HEPHL1: variants seen among roughly 807,000 people sequenced by gnomAD.
HEPHL1 encodes ferroxidase HEPHL1.
In HEPHL1, 123 loss-of-function variants were observed where a neutral mutation model predicts 122.0. The observed-to-expected ratio is 1.01, with a 90% CI of 0.87 to 1.17. HEPHL1 has a LOEUF of 1.17. HEPHL1 is among the 50% of genes most tolerant of loss of function. The pLI, the probability that HEPHL1 is intolerant of heterozygous loss-of-function variation, is 0.00. For synonymous variants in HEPHL1, 527 were observed against 508.9 expected (o/e 1.04, Z -0.48); for missense variants, 1,452 against 1,430.5 (o/e 1.01, Z -0.24).
intron 1 of HEPHL1, among the ~76,000 whole-genome samples, chr11:94,022,480 T>G (rs1461664106): frequency 1.3e-5 from 2 of 152,228 alleles, no homozygotes; most frequent in African/African-American, 4.8e-5. Flanking sequence ...GCACAGGGCC[T>G]ACCAGCAAGT....
chr11:94,081,606 A>G (rs1298382941), intron 9 of HEPHL1, among the ~76,000 whole-genome samples: 1 of 152,036 alleles, frequency 6.6e-6, no homozygotes, highest in African/African-American at 2.4e-5. Flanking sequence ...CTCACTATCC[A>G]CTCAAGTTAA....
intron 10 of HEPHL1, among the ~76,000 whole-genome samples, chr11:94,084,403 TA>T (rs1372040725): frequency 6.6e-6 from 1 of 151,890 alleles, no homozygotes; most frequent in Non-Finnish European, 1.5e-5. Flanking sequence ...ATATCATTGT[TA>T]AAACAAAGTT....
At chr11:94,105,568 C>T (rs1481951778) in intron 16 of HEPHL1, among the ~76,000 whole-genome samples, 1 of 152,128 alleles carries the variant, frequency 6.6e-6, no homozygotes, top group Non-Finnish European at 1.5e-5. Context: ...TTCAGCCAGG[C>T]TTAAACTATT....
chr11:94,055,119 C>A, intron 2 of HEPHL1: 1 of 191,708 alleles, frequency 5.2e-6, no homozygotes, highest in Non-Finnish European at 1.1e-5. Flanking sequence ...CTGCAGCTTC[C>A]AGCTTGTGTA....
chr11:94,029,703 G>A lies in HEPHL1; in HGVS notation c.170+8165G>A, dbSNP rs78217410. 9.8e-3 allele frequency among the ~76,000 whole-genome samples: 1,485 copies of A among 152,294 alleles called. 31 individuals are homozygous for A. Among genetic ancestry groups the A allele is most frequent in the African/African-American group, 0.034 (1,405 of 41,556 alleles). ...TCCCCCCTTGGGGTGACTATTGGCT[G>A]TATAGGTGATAAGACTGATATGTGT... On this transcript the variant is annotated intron_variant, in intron 1 of 19. Transcript: ENST00000315765.
intron 2 of HEPHL1, among the ~76,000 whole-genome samples, chr11:94,050,317 C>T (rs1360468630): frequency 3.3e-5 from 5 of 152,028 alleles, no homozygotes; most frequent in Non-Finnish European, 7.4e-5. Context: ...AGTCTGTATA[C>T]CTTTACGTTT....
At chr11:94,064,279 A>G in intron 3 of HEPHL1, 52 bp from the exon 4 acceptor site, 1 of 1,418,312 alleles carries the variant, frequency 7.1e-7, no homozygotes, top group East Asian at 2.3e-5. Context: ...AAGGAAGCAA[A>G]GCTCATCTTG....
chr11:94,021,560 A>C (rs1308293512), intron 1 of HEPHL1, 22 bp downstream of exon 1: 3 of 1,569,892 alleles, frequency 1.9e-6, no homozygotes, highest in Non-Finnish European at 2.6e-6. Flanking sequence ...TAGGGTCCTC[A>C]TTGACTCCCA....
intron 1 of HEPHL1, among the ~76,000 whole-genome samples, chr11:94,037,828 G>T (rs1281758143): frequency 6.6e-6 from 1 of 151,896 alleles, no homozygotes; most frequent in Non-Finnish European, 1.5e-5. Flanking sequence ...CTCCTCCAAA[G>T]GAACGCAGTT....
Position 94,042,891 on chromosome 11 carries a change from A to AAAAAAAAAAAAC in HEPHL1, c.171-2780_171-2779insAAAAAAAAACAA, listed in dbSNP as rs762818935. 9.4e-5 allele frequency among the ~76,000 whole-genome samples: 14 copies of AAAAAAAAAAAAC among 149,050 alleles called. No homozygotes were observed. In the East Asian group the frequency reaches 1.1e-3, roughly 12 times the overall value. On this transcript the variant is annotated intron_variant, in intron 1 of 19. Transcript: ENST00000315765. ...AAAGTATAATAAAAAAAAAAAAAAA[A>AAAAAAAAAAAAC]AACTGCATGAATTGCTCATTCTGGC... is the stretch of plus-strand genomic sequence containing the variant.
At chr11:94,090,421 C>G (rs1165557705) in intron 12 of HEPHL1, among the ~76,000 whole-genome samples, 2 of 152,196 alleles carry the variant, frequency 1.3e-5, no homozygotes, top group African/African-American at 4.8e-5. Flanking sequence ...TGAACTCCTA[C>G]TTTAAGTCTC....
At chr11:94,028,928 A>G (rs1945648265) in intron 1 of HEPHL1, among the ~76,000 whole-genome samples, 1 of 145,610 alleles carries the variant, frequency 6.9e-6, no homozygotes, top group African/African-American at 2.5e-5. Context: ...TGCTGTGTAG[A>G]CACTAAAACA....
intron 8 of HEPHL1, among the ~76,000 whole-genome samples, chr11:94,073,668 G>T (rs1157201967): frequency 6.6e-6 from 1 of 152,126 alleles, no homozygotes; most frequent in Non-Finnish European, 1.5e-5. Context: ...CTGGCCCATG[G>T]TAGGTTCTTA....
intron 13 of HEPHL1, among the ~76,000 whole-genome samples, chr11:94,095,763 G>A (rs553033193): frequency 1.3e-5 from 2 of 152,210 alleles, no homozygotes; most frequent in East Asian, 3.9e-4. Context: ...GGATTCCTAG[G>A]TATTTTATTG....
chr11:94,110,305 T>G (rs1469718011), intron 17 of HEPHL1, among the ~76,000 whole-genome samples: 2 of 152,194 alleles, frequency 1.3e-5, no homozygotes, highest in Non-Finnish European at 2.9e-5. Flanking sequence ...GAATTTGGGA[T>G]TAGTTTAACT....
intron 1 of HEPHL1, among the ~76,000 whole-genome samples, chr11:94,043,054 A>G (rs915221071): frequency 2.0e-5 from 3 of 152,086 alleles, no homozygotes; most frequent in African/African-American, 7.2e-5. Context: ...AGAACAGAGA[A>G]GTGCTCCATG....
chr11:94,078,476 T>TATATATATATATA (rs1946144722), intron 9 of HEPHL1, among the ~76,000 whole-genome samples: 3 of 125,824 alleles, frequency 2.4e-5, no homozygotes, highest in South Asian at 2.6e-4. Flanking sequence ...TATATATATA[T>TATATATATATATA]GGAGAAAGAG....
intron 5 of HEPHL1, among the ~76,000 whole-genome samples, chr11:94,068,715 A>C (rs1346964462): frequency 6.6e-6 from 1 of 152,200 alleles, no homozygotes; most frequent in African/African-American, 2.4e-5. Flanking sequence ...GACTTGATGG[A>C]GGAATTCTGA....
chr11:94,047,106 C>G (rs542580582), intron 2 of HEPHL1, among the ~76,000 whole-genome samples: 1 of 152,342 alleles, frequency 6.6e-6, no homozygotes, highest in South Asian at 2.1e-4. Context: ...ACCTGGAGTG[C>G]AGCCAAGATT....
Sources: allele counts gnomAD v4.1 joint callset (sites outside exome capture counted in the v4.1 genomes callset), GRCh38; gene constraint gnomAD v4.1.1; transcripts MANE v1.5; gene names NCBI Gene and HGNC (gene_info 2026-07-23, HGNC 2026-07-21).